The following MLLT6 variants were observed in gnomAD, a reference collection of about 807,000 sequenced individuals.
MLLT6 encodes MLLT6, PHD finger containing, also known as protein AF-17.
MLLT6 carries 22 observed loss-of-function variants against 103.0 expected under a neutral mutation model. That is an observed-to-expected ratio of 0.21 (90% CI 0.15 to 0.31). MLLT6 has a LOEUF of 0.31. Among genes scored for constraint, MLLT6 ranks in the 10% least tolerant of loss-of-function variants. The pLI, the probability that MLLT6 is intolerant of heterozygous loss-of-function variation, is 1.00. For synonymous variants in MLLT6, 606 were observed against 623.5 expected, an observed-to-expected ratio of 0.97 and a Z score of 0.42; for missense variants, 1,199 against 1,441.7, an observed-to-expected ratio of 0.83 and a Z score of 2.73.
At chr17:38,720,265 G>A (rs1905638536) in intron 14 of MLLT6, 107 bp from the exon 15 acceptor site, 4 of 1,128,370 alleles carry the variant, frequency 3.5e-6, no homozygotes, top group Non-Finnish European at 5.0e-6. Flanking sequence ...GGATGGCGCC[G>A]CCTTTTCAAG....
chr17:38,719,601 C>G lies in MLLT6; in HGVS notation c.2009+18C>G. ...TCTTCCATGTGAGGGAAGGGGCAGCCTGGAGGAGGGGCTGGGGGCAGGAGG... is the reference window on the plus strand; with the variant it reads ...TCTTCCATGTGAGGGAAGGGGCAGCGTGGAGGAGGGGCTGGGGGCAGGAGG... On this transcript the variant is annotated intron_variant, in intron 13 of 19. Coordinates refer to ENST00000621332, the MANE Select transcript of MLLT6 (RefSeq NM_005937.4). The G allele has an allele frequency of 6.3e-7, 1 of 1,595,916 alleles. No individual in the cohort carries two copies. Among genetic ancestry groups the G allele is most frequent in the Non-Finnish European group, 8.5e-7 (1 of 1,170,180 alleles).
intron 7 of MLLT6, 140 bp downstream of exon 7, chr17:38,712,154 G>T (rs1045369137): frequency 6.5e-5 from 89 of 1,377,168 alleles, no homozygotes; most frequent in Non-Finnish European, 8.2e-5. Context: ...GAGGGCAGGA[G>T]GGGGCTGAAA....
intron 16 of MLLT6, chr17:38,720,953 C>A: frequency 3.3e-6 from 2 of 600,542 alleles, no homozygotes; most frequent in Non-Finnish European, 5.9e-6. Context: ...TGAGCAAAAC[C>A]GGCACAGCGC....
chr17:38,724,679 G>C lies in MLLT6; in HGVS notation c.2943G>C (p.Gln981His). The stretch of plus-strand genomic sequence containing the variant: ...AGATCCAGCAGAAACGGGAGCTGCA[G>C]CGCCTGCAGATGGCTGGGGGCTCCC... The part of the protein sequence containing the change: ...IQQIQQKREL[Q>H]RLQMAGGSQL... The change falls in exon 19 of 20, where the codon CAG (glutamine) becomes CAC (histidine). Residue 981 changes from glutamine (Q) to histidine (H), a missense_variant. Coordinates refer to ENST00000621332, the MANE Select transcript of MLLT6 (RefSeq NM_005937.4). This position sits in a 1 kb window ranked among gnomAD's most constrained non-coding sequence, Gnocchi z 5.4. The C allele has an allele frequency of 6.2e-7, 1 of 1,612,690 alleles. No homozygotes were observed. Among genetic ancestry groups the C allele is most frequent in the Non-Finnish European group, 8.5e-7 (1 of 1,179,494 alleles).
chr17:38,728,977 ACCTTGAGGCTGATGAGGGGACC>A lies in MLLT6; in HGVS notation c.*3383_*3404del, dbSNP rs529822587. 652 of 233,520 alleles carry A rather than the reference ACCTTGAGGCTGATGAGGGGACC, an allele frequency of 2.8e-3. 3 individuals are homozygous for A. Among genetic ancestry groups the A allele is most frequent in the African/African-American group, 0.014 (613 of 45,306 alleles). The allele number at this position is 233,520 out of a possible 1,614,324, so 14.5% of individuals were successfully genotyped here. ...TCTGCTGCTGCCTCAAGGTGTCCTGACCTTGAGGCTGATGAGGGGACCCCTGCCTGTTTCCCCCATACTGAGT... is the reference window on the plus strand; with the variant it reads ...TCTGCTGCTGCCTCAAGGTGTCCTGACCTGCCTGTTTCCCCCATACTGAGT... On this transcript the variant is annotated 3_prime_UTR_variant, in exon 20 of 20. Coordinates refer to ENST00000621332, the MANE Select transcript of MLLT6 (RefSeq NM_005937.4).
At chr17:38,707,123 G>T in intron 2 of MLLT6, 94 bp downstream of exon 2, 1 of 1,077,560 alleles carries the variant, frequency 9.3e-7, no homozygotes, top group Non-Finnish European at 1.3e-6. Context: ...CGAGGCTAGG[G>T]TGGGATTTAG....
chr17:38,715,541 T>C, intron 8 of MLLT6, 71 bp from the exon 9 acceptor site: 1 of 1,508,380 alleles, frequency 6.6e-7, no homozygotes, highest in Non-Finnish European at 8.8e-7. Context: ...GCCCTCCTGC[T>C]TCACTCCCAC....
rs1905352496 is a variant in MLLT6, at chr17:38,716,536, C to T, written c.1206C>T (p.Gly402=). ...TTGAGCAGAAGGTGGTCTTCTCTGG[C>T]TTTGGGCCCATCATGCGCTTCTCCA... ...DLFEQKVVFS[G]FGPIMRFSTT... is the part of the protein sequence containing the mutation. Residue 402 remains glycine, a synonymous_variant, in exon 10 of 20, where the codon GGC becomes GGT. Transcript: ENST00000621332. This position sits in a 1 kb window ranked among gnomAD's most constrained non-coding sequence, Gnocchi z 5.6. 6.2e-7 allele frequency: 1 copy of T among 1,614,198 alleles called. No homozygotes were observed. The highest frequency in any genetic ancestry group is 1.7e-5 in the Admixed American group (1 of 60,018).
Position 38,705,719 on chromosome 17 carries a change from G to T in MLLT6, c.87G>T (p.Ala29=). ...ENPLVYCDGH[A]CSVAVHQACY... The stretch of plus-strand genomic sequence containing the variant: ...CGCTGGTCTACTGCGATGGGCACGC[G>T]TGCAGCGTGGCCGTCCACCAAGGTA... Residue 29 remains alanine (A), a synonymous_variant, in exon 1 of 20, where the codon GCG becomes GCT. Transcript: ENST00000621332. 6.6e-7 allele frequency: 1 copy of T among 1,522,368 alleles called. No individual in the cohort carries two copies. Among genetic ancestry groups the T allele is most frequent in the Middle Eastern group, 2.0e-4 (1 of 4,932 alleles). 94.3% of individuals were successfully genotyped at this position (1,522,368 alleles called of 1,614,324 possible).
chr17:38,716,527 C>G lies in MLLT6; in HGVS notation c.1197C>G (p.Val399=), dbSNP rs148064057. 1 of 1,614,184 alleles carries G rather than the reference C, an allele frequency of 6.2e-7. No homozygotes were observed. The highest frequency in any genetic ancestry group is 1.3e-5 in the African/African-American group (1 of 75,052). ...CTGACCTTTTTGAGCAGAAGGTGGTCTTCTCTGGCTTTGGGCCCATCATGC... is the reference window on the plus strand; with the variant it reads ...CTGACCTTTTTGAGCAGAAGGTGGTGTTCTCTGGCTTTGGGCCCATCATGC... The part of the protein sequence containing the change: ...PKADLFEQKV[V]FSGFGPIMRF... Residue 399 remains valine (V), a synonymous_variant, in exon 10 of 20, where the codon GTC becomes GTG. Transcript: ENST00000621332. The surrounding 1 kb of genome is among the most constrained non-coding windows in gnomAD (Gnocchi z 5.6).
Position 38,721,984 on chromosome 17 carries a change from C to T in MLLT6, c.2549C>T (p.Ala850Val), listed in dbSNP as rs892503159. 27 of 1,499,856 alleles carry T rather than the reference C, an allele frequency of 1.8e-5. No homozygotes were observed. Among genetic ancestry groups the T allele is most frequent in the African/African-American group, 4.3e-5 (3 of 70,128 alleles). The allele number at this position is 1,499,856 out of a possible 1,614,324, so 92.9% of individuals were successfully genotyped here. A position where few individuals can be genotyped will look rare whatever the true frequency, so the allele number is the denominator to read the frequency against. Residue 850 changes from alanine to valine, a missense_variant, in exon 17 of 20, where the codon GCC becomes GTC. Ala to Val is a moderately conservative substitution (Grantham distance 64). This residue lies in a region of MLLT6 where 1,034 missense variants were observed against 1,091.5 expected (regional missense o/e 0.95). Coordinates refer to ENST00000621332, the MANE Select transcript of MLLT6 (RefSeq NM_005937.4). ...LQQSPATLPL[A>V]LPGAPAPLPP... is the part of the protein sequence containing the mutation. ...CAGAGCCCTGCCACTCTGCCCCTGG[C>T]CCTGCCTGGGGCCCCTGCCCCACTC...
At chr17:38,712,224 T>A (rs775358270) in intron 7 of MLLT6, 7 of 551,132 alleles carry the variant, frequency 1.3e-5, no homozygotes, top group Non-Finnish European at 1.6e-5. Flanking sequence ...TAGTGGTTCC[T>A]CTGGGTCCTC....
At chr17:38,707,674 G>C in intron 3 of MLLT6, 89 bp from the exon 4 acceptor site, 1 of 1,235,366 alleles carries the variant, frequency 8.1e-7, no homozygotes, top group African/African-American at 1.5e-5. Flanking sequence ...GAAGGCTGTG[G>C]AGGAGGGAAC....
In MLLT6 at chr17:38,707,872, G is replaced by A; in HGVS notation, c.354G>A (p.Lys118=). ...LQYVPHDRFN[K]TCYICEEQGR... Reference sequence around the variant, plus strand: ...ACGTGCCTCATGATCGCTTCAACAAGGTCAGCGGCCCCCCGCCGTGTCCCC... The same window carrying A: ...ACGTGCCTCATGATCGCTTCAACAAAGTCAGCGGCCCCCCGCCGTGTCCCC... The change falls in exon 4 of 20, where the codon AAG becomes AAA. Residue 118 remains lysine, a splice_region_variant and synonymous_variant. Transcript: ENST00000621332. 1 of 1,598,788 alleles carries A rather than the reference G, an allele frequency of 6.3e-7. No homozygotes were observed. The highest frequency in any genetic ancestry group is 8.6e-7 in the Non-Finnish European group (1 of 1,168,420).
At chr17:38,715,259 T>C (rs764601574) in intron 8 of MLLT6, 7 of 206,932 alleles carry the variant, frequency 3.4e-5, no homozygotes, top group Non-Finnish European at 5.8e-5. Flanking sequence ...TCCCGCCTTC[T>C]TAGACGCCCT....
In MLLT6 at chr17:38,716,298, T is replaced by C; in HGVS notation, c.1037-69T>C. ...GTGGACCAGAGCTCTCTCCCGCCAG[T>C]ACACGCGGGAGTGGGAGGGAGTGCG... On this transcript the variant is annotated intron_variant, in intron 9 of 19. Transcript: ENST00000621332. The surrounding 1 kb of genome is among the most constrained non-coding windows in gnomAD (Gnocchi z 5.6). 1.3e-6 allele frequency: 2 copies of C among 1,504,898 alleles called. No individual in the cohort carries two copies. Among genetic ancestry groups the C allele is most frequent in the Non-Finnish European group, 9.0e-7 (1 of 1,105,910 alleles). 93.2% of individuals were successfully genotyped at this position (1,504,898 alleles called of 1,614,324 possible). A position where few individuals can be genotyped will look rare whatever the true frequency, so the allele number is the denominator to read the frequency against.
chr17:38,705,489 A>G lies in MLLT6; in HGVS notation c.-144A>G. ...AGGACGCGGAGGAGGAGGAAGGAGG[A>G]GGCAAAGAAAAGAAGCGGCGGCGGC... On this transcript the variant is annotated 5_prime_UTR_variant, in exon 1 of 20. Coordinates refer to ENST00000621332, the MANE Select transcript of MLLT6 (RefSeq NM_005937.4). 2.2e-6 allele frequency: 1 copy of G among 463,452 alleles called. No homozygotes were observed. The highest frequency in any genetic ancestry group is 3.9e-6 in the Non-Finnish European group (1 of 258,032). 28.7% of individuals were successfully genotyped at this position (463,452 alleles called of 1,614,324 possible).
At chr17:38,722,400 CAT>C in intron 17 of MLLT6, among the ~76,000 whole-genome samples, 173 bp downstream of exon 17, 1 of 152,296 alleles carries the variant, frequency 6.6e-6, no homozygotes, top group Middle Eastern at 3.4e-3. Flanking sequence ...GACTGTTAGA[CAT>C]GTGTGTCCTC....
At chr17:38,717,370 G>C (rs1237814065) in intron 10 of MLLT6, 62 bp from the exon 11 acceptor site, 1 of 1,386,248 alleles carries the variant, frequency 7.2e-7, no homozygotes, top group East Asian at 2.4e-5. Flanking sequence ...TCAGCCACCT[G>C]GCTGAGCAGG....
Sources: allele counts gnomAD v4.1 joint callset (sites outside exome capture counted in the v4.1 genomes callset), GRCh38; gene constraint gnomAD v4.1.1; regional missense constraint gnomAD v4.1.1; non-coding constraint Gnocchi (gnomAD v3.1); transcripts MANE v1.5; gene names NCBI Gene and HGNC (gene_info 2026-07-23, HGNC 2026-07-21).